THSD7B: variants seen among roughly 807,000 people sequenced by gnomAD.
THSD7B encodes the protein thrombospondin type-1 domain-containing protein 7B.
THSD7B carries 138 observed loss-of-function variants against 213.6 expected under a neutral mutation model. That is an observed-to-expected ratio of 0.65 (90% CI 0.56 to 0.74). The LOEUF is 0.74. THSD7B is among the 30% of genes least tolerant of loss of function. The pLI, the probability that THSD7B is intolerant of heterozygous loss-of-function variation, is 0.00. For synonymous variants in THSD7B, 742 were observed against 687.0 expected (o/e 1.08, Z -1.25); for missense variants, 1,931 against 1,991.5 (o/e 0.97, Z 0.58).
At chr2:137,664,906 A>G (rs1328889784) in intron 26 of THSD7B, among the ~76,000 whole-genome samples, 1 of 152,212 alleles carries the variant, frequency 6.6e-6, no homozygotes, top group African/African-American at 2.4e-5. Context: ...ACTCAGGCAA[A>G]TATACCCTAG....
chr2:137,356,285 G>A (rs1266399637), intron 12 of THSD7B, among the ~76,000 whole-genome samples: 2 of 151,972 alleles, frequency 1.3e-5, no homozygotes, highest in African/African-American at 2.4e-5. Context: ...ACCAACTCAC[G>A]GGCTAGAACT....
At chr2:137,594,884 T>A (rs561881274) in intron 17 of THSD7B, among the ~76,000 whole-genome samples, 4 of 151,992 alleles carry the variant, frequency 2.6e-5, no homozygotes, top group Non-Finnish European at 5.9e-5. Context: ...TCTTAATTTA[T>A]TTCAACAATG....
chr2:137,135,367 A>G (rs527960744), intron 5 of THSD7B, among the ~76,000 whole-genome samples: 2 of 152,194 alleles, frequency 1.3e-5, no homozygotes, highest in African/African-American at 4.8e-5. Context: ...TCGTGGTGCT[A>G]TTTCCTTCTT....
intron 1 of THSD7B, among the ~76,000 whole-genome samples, chr2:136,810,509 A>C (rs1244641669): frequency 6.6e-6 from 1 of 152,170 alleles, no homozygotes; most frequent in Non-Finnish European, 1.5e-5. Flanking sequence ...AAAAAGTGAA[A>C]CTATAAAAGA....
chr2:137,391,594 G>A (rs1686028230), intron 12 of THSD7B, among the ~76,000 whole-genome samples: 1 of 151,944 alleles, frequency 6.6e-6, no homozygotes, highest in Non-Finnish European at 1.5e-5. Context: ...GGCTGAGGCA[G>A]GAGAACCACT....
intron 2 of THSD7B, among the ~76,000 whole-genome samples, chr2:137,040,130 C>T (rs1301172072): frequency 6.6e-6 from 1 of 152,124 alleles, no homozygotes; most frequent in Non-Finnish European, 1.5e-5. Context: ...GAAATTGCCT[C>T]AAGAAAGAAG....
chr2:137,029,630 G>T (rs1686626019), intron 2 of THSD7B, among the ~76,000 whole-genome samples: 2 of 152,068 alleles, frequency 1.3e-5, no homozygotes, highest in East Asian at 1.9e-4. Context: ...TGCAAAAGTA[G>T]AATATCCCAA....
chr2:137,557,165 T>A (rs1680990106), intron 15 of THSD7B, among the ~76,000 whole-genome samples: 1 of 152,106 alleles, frequency 6.6e-6, no homozygotes, highest in African/African-American at 2.4e-5. Context: ...TATCCAGGAA[T>A]TGAACTCAGC....
chr2:137,340,861 A>G (rs980299570), intron 12 of THSD7B, among the ~76,000 whole-genome samples: 6 of 151,646 alleles, frequency 4.0e-5, no homozygotes, highest in East Asian at 1.9e-4. Flanking sequence ...TAACTTGGCT[A>G]TTGTGAACAG....
intron 2 of THSD7B, among the ~76,000 whole-genome samples, chr2:136,982,944 G>A (rs1685607050): frequency 6.6e-6 from 1 of 152,048 alleles, no homozygotes; most frequent in Admixed American, 6.6e-5. Flanking sequence ...GGGTCAGAAT[G>A]TGGAATTCCA....
At chr2:137,460,419 A>G (rs1170119346) in intron 15 of THSD7B, among the ~76,000 whole-genome samples, 1 of 152,064 alleles carries the variant, frequency 6.6e-6, no homozygotes, top group Non-Finnish European at 1.5e-5. Context: ...CTTCCACATC[A>G]GTTTACTTGT....
chr2:137,454,424 G>GTCTGTCTGTCTA (rs1178884446), intron 15 of THSD7B, among the ~76,000 whole-genome samples: 61 of 140,142 alleles, frequency 4.4e-4, no homozygotes, highest in African/African-American at 1.6e-3. Flanking sequence ...CTGTCTGTCT[G>GTCTGTCTGTCTA]TCTATCTATC....
intron 12 of THSD7B, among the ~76,000 whole-genome samples, chr2:137,347,245 AAAGAGAGATG>A (rs1684894812): frequency 6.6e-6 from 1 of 151,748 alleles, no homozygotes; most frequent in African/African-American, 2.4e-5. Context: ...CAGAAGGAAA[AAAGAGAGATG>A]AAGGTTGATA....
At chr2:137,352,997 G>T (rs188119864) in intron 12 of THSD7B, among the ~76,000 whole-genome samples, 3 of 151,968 alleles carry the variant, frequency 2.0e-5, no homozygotes, top group African/African-American at 7.2e-5. Context: ...AAATCTCCTA[G>T]AATTGGAGTT....
chr2:136,831,450 T>C (rs1179067493), intron 1 of THSD7B, among the ~76,000 whole-genome samples: 1 of 152,200 alleles, frequency 6.6e-6, no homozygotes, highest in East Asian at 1.9e-4. Context: ...AACCTAATCA[T>C]CTGGCTTCAG....
At position 136,780,580 on chromosome 2, in the gene THSD7B, T is replaced by C. The variant is rs1351090911; in HGVS notation, c.-36+14893T>C. Among the ~76,000 whole-genome samples the C allele has an allele frequency of 2.0e-5, 3 of 152,340 alleles. No individual in the cohort carries two copies. The East Asian group carries it at 5.8e-4, about 29-fold the overall frequency. On this transcript the variant is annotated intron_variant, in intron 1 of 27. Coordinates refer to ENST00000409968, the MANE Select transcript of THSD7B (RefSeq NM_001316349.2). Reference sequence around the variant, plus strand: ...GTTTTCCCTAATGATCACCTCTCTTTAGTGTCTAATGTTGACTTTTCATTT... The same window carrying C: ...GTTTTCCCTAATGATCACCTCTCTTCAGTGTCTAATGTTGACTTTTCATTT...
intron 17 of THSD7B, among the ~76,000 whole-genome samples, chr2:137,603,285 T>G (rs1323854717): frequency 6.6e-6 from 1 of 152,218 alleles, no homozygotes; most frequent in African/African-American, 2.4e-5. Context: ...TAAATCTGAG[T>G]GAAGAGACTG....
chr2:137,389,269 A>G (rs191706626), intron 12 of THSD7B, among the ~76,000 whole-genome samples: 199 of 146,826 alleles, frequency 1.4e-3, no homozygotes, highest in Middle Eastern at 3.6e-3. Flanking sequence ...CTAGCATAAG[A>G]TGATATCTCA....
intron 3 of THSD7B, among the ~76,000 whole-genome samples, chr2:137,090,195 A>G (rs894423477): frequency 2.0e-5 from 3 of 152,066 alleles, no homozygotes; most frequent in African/African-American, 7.2e-5. Context: ...TATACTTATT[A>G]ATTATTATGT....
Sources: allele counts gnomAD v4.1 joint callset (sites outside exome capture counted in the v4.1 genomes callset), GRCh38; gene constraint gnomAD v4.1.1; transcripts MANE v1.5; gene names NCBI Gene and HGNC (gene_info 2026-07-23, HGNC 2026-07-21).